Variants in STPG2 observed in about 807,000 individuals in gnomAD.
The protein encoded by STPG2 is sperm tail PG-rich repeat containing 2.
STPG2 carries 56 observed loss-of-function variants against 54.2 expected under a neutral mutation model. That is an observed-to-expected ratio of 1.03 (90% CI 0.83 to 1.29). STPG2 has a LOEUF of 1.29. Among genes scored for constraint, STPG2 ranks in the 50% most tolerant of loss-of-function variants. The probability of loss-of-function intolerance (pLI) is 0.00; values close to 1 mark genes in which losing one functional copy is unlikely to be tolerated. For missense variants in STPG2, 596 were observed against 544.9 expected (o/e 1.09, Z -0.93); for synonymous variants, 200 against 181.8 (o/e 1.10, Z -0.81).
At chr4:97,920,842 T>A (rs1052891680) in intron 8 of STPG2, among the ~76,000 whole-genome samples, 1 of 152,198 alleles carries the variant, frequency 6.6e-6, no homozygotes, top group Non-Finnish European at 1.5e-5. Context: ...TTTTCATCTT[T>A]CCTCTTATCC....
intron 8 of STPG2, among the ~76,000 whole-genome samples, chr4:97,934,093 G>T (rs1732655830): frequency 6.6e-6 from 1 of 152,120 alleles, no homozygotes; most frequent in Non-Finnish European, 1.5e-5. Context: ...CCTGTTAGCT[G>T]TATTCCCAGG....
At chr4:97,522,490 T>C (rs1731203598) in intron 4 of STPG2, among the ~76,000 whole-genome samples, 1 of 152,064 alleles carries the variant, frequency 6.6e-6, no homozygotes, top group Non-Finnish European at 1.5e-5. Context: ...TTTAGTAAAC[T>C]TAATTATTTT....
At chr4:97,876,982 T>C (rs2149160835) in intron 8 of STPG2, among the ~76,000 whole-genome samples, 1 of 152,258 alleles carries the variant, frequency 6.6e-6, no homozygotes, top group East Asian at 1.9e-4. Flanking sequence ...AAATAATAAT[T>C]ATGTATATTT....
At chr4:97,762,951 A>AT (rs758490235) in intron 9 of STPG2, among the ~76,000 whole-genome samples, 14 of 152,318 alleles carry the variant, frequency 9.2e-5, no homozygotes, top group Admixed American at 5.9e-4. Flanking sequence ...CCTTCAGAAT[A>AT]TAAAATAATC....
intron 5 of STPG2, among the ~76,000 whole-genome samples, chr4:98,056,884 GT>G: frequency 6.6e-6 from 1 of 152,218 alleles, no homozygotes; most frequent in Non-Finnish European, 1.5e-5. Context: ...TGTGAAGAAG[GT>G]GCTTGCTTCC....
Position 97,964,674 on chromosome 4 carries a change from A to G in STPG2, c.933+7606T>C, listed in dbSNP as rs1258995027. ...CAACAGATTTCAAAGTAGTTATATA[A>G]CAATTCTTACCTTTAAATTGTTACA... On this transcript the variant is annotated intron_variant, in intron 7 of 10. Coordinates refer to ENST00000295268, the MANE Select transcript of STPG2 (RefSeq NM_174952.3). 4.6e-5 allele frequency among the ~76,000 whole-genome samples: 7 copies of G among 152,324 alleles called. No homozygotes were observed. In the South Asian group the frequency reaches 8.3e-4, roughly 18 times the overall value.
chr4:97,918,342 A>C (rs1731964829), intron 8 of STPG2, among the ~76,000 whole-genome samples: 1 of 152,144 alleles, frequency 6.6e-6, no homozygotes, highest in African/African-American at 2.4e-5. Flanking sequence ...GTAACAATAC[A>C]GAGAAAGCCA....
intron 5 of STPG2, among the ~76,000 whole-genome samples, chr4:98,012,426 T>C (rs955835223): frequency 2.6e-5 from 4 of 152,200 alleles, no homozygotes; most frequent in Non-Finnish European, 4.4e-5. Context: ...TTGTCTTGGC[T>C]ATACCAGCTC....
intron 4 of STPG2, among the ~76,000 whole-genome samples, chr4:97,467,074 C>T (rs770243683): frequency 6.6e-6 from 1 of 151,906 alleles, no homozygotes; most frequent in Non-Finnish European, 1.5e-5. Flanking sequence ...TGGAAAATGA[C>T]TAAGTTATCT....
intron 5 of STPG2, among the ~76,000 whole-genome samples, chr4:98,019,633 T>A (rs548868968): frequency 6.6e-6 from 1 of 150,746 alleles, no homozygotes; most frequent in East Asian, 1.9e-4. Flanking sequence ...ACAATATTGA[T>A]TCTTCCAACC....
At chr4:97,743,881 C>G (rs576944081) in intron 9 of STPG2, among the ~76,000 whole-genome samples, 42 of 151,392 alleles carry the variant, frequency 2.8e-4, no homozygotes, top group Non-Finnish European at 5.2e-4. Context: ...TAAATAGGTG[C>G]AAGTATTCAT....
chr4:97,754,833 T>C (rs1488736696), intron 9 of STPG2, among the ~76,000 whole-genome samples: 1 of 152,098 alleles, frequency 6.6e-6, no homozygotes, highest in African/African-American at 2.4e-5. Context: ...ACATACCTCA[T>C]ATTCACAGTT....
intron 4 of STPG2, among the ~76,000 whole-genome samples, chr4:97,491,041 T>C (rs573975020): frequency 8.4e-4 from 127 of 151,730 alleles, no homozygotes; most frequent in Non-Finnish European, 1.7e-3. Context: ...TTTTTATACT[T>C]AGGATTACTG....
At chr4:97,955,675 T>A (rs1208840500) in intron 7 of STPG2, among the ~76,000 whole-genome samples, 5 of 152,084 alleles carry the variant, frequency 3.3e-5, no homozygotes, top group African/African-American at 1.2e-4. Flanking sequence ...AACCCACAGA[T>A]TCAAAGGTTC....
chr4:97,557,488 A>AT (rs1249960554), downstream of STPG2, among the ~76,000 whole-genome samples: 28 of 152,288 alleles, frequency 1.8e-4, 1 homozygote, highest in Middle Eastern at 3.4e-3. Flanking sequence ...TGTGAAGAAA[A>AT]TTATTCCTAA....
chr4:98,037,672 G>T (rs1477585662), intron 5 of STPG2, among the ~76,000 whole-genome samples: 2 of 151,834 alleles, frequency 1.3e-5, no homozygotes, highest in African/African-American at 4.8e-5. Flanking sequence ...AAACACAAAA[G>T]AATTAAAAAA....
chr4:97,490,057 G>A (rs1730469468), intron 4 of STPG2: 1 of 151,418 alleles, frequency 6.6e-6, no homozygotes, highest in Non-Finnish European at 1.5e-5. Context: ...CCACCTCTGT[G>A]TTGGCTCAAG....
At chr4:97,738,278 C>T (rs890083103) in intron 9 of STPG2, among the ~76,000 whole-genome samples, 7 of 152,108 alleles carry the variant, frequency 4.6e-5, no homozygotes, top group East Asian at 1.9e-4. Flanking sequence ...TAAAGACCAT[C>T]GAGGCTAGGA....
chr4:97,470,479 C>A lies in STPG2; in HGVS notation c.462+242220G>T, dbSNP rs138403904. ...ATGTAATCTTTAATATATAGTAGTC[C>A]CCCTTCATCTGTGGGGAATATGTTT... On this transcript the variant is annotated intron_variant, in intron 4 of 4. Transcript: ENST00000522676. Among the ~76,000 whole-genome samples the A allele has an allele frequency of 2.6e-5, 4 of 151,916 alleles. No individual in the cohort carries two copies. The East Asian group carries it at 7.7e-4, about 29-fold the overall frequency.
Sources: allele counts gnomAD v4.1 joint callset (sites outside exome capture counted in the v4.1 genomes callset), GRCh38; gene constraint gnomAD v4.1.1; transcripts MANE v1.5; gene names NCBI Gene and HGNC (gene_info 2026-07-23, HGNC 2026-07-21).